The following TES variants were observed in gnomAD, a reference collection of about 807,000 sequenced individuals.
TES encodes testin.
TES carries 41 observed loss-of-function variants against 48.2 expected under a neutral mutation model. That is an observed-to-expected ratio of 0.85 (90% CI 0.66 to 1.10). The LOEUF (loss-of-function observed/expected upper bound fraction) is 1.10, where lower values mean the gene tolerates loss of function less well. Among genes scored for constraint, TES ranks in the 50% least tolerant of loss-of-function variants. The probability of loss-of-function intolerance (pLI) is 0.00; values close to 1 mark genes in which losing one functional copy is unlikely to be tolerated. For missense variants in TES, 463 were observed against 515.1 expected, an observed-to-expected ratio of 0.90 and a Z score of 0.98; for synonymous variants, 162 against 174.9, an observed-to-expected ratio of 0.93 and a Z score of 0.58.
chr7:116,251,554 G>T (rs1226972709), intron 4 of TES: 3 of 522,630 alleles, frequency 5.7e-6, no homozygotes, highest in African/African-American at 3.8e-5. Context: ...GTGGTGGCAG[G>T]CGCCTGTAGT....
At chr7:116,225,533 TA>T (rs1303968193) in intron 1 of TES, among the ~76,000 whole-genome samples, 2 of 152,198 alleles carry the variant, frequency 1.3e-5, no homozygotes, top group Non-Finnish European at 2.9e-5. Context: ...ATTCCTAACA[TA>T]ATAGTCTATG....
At chr7:116,234,686 G>A in intron 2 of TES, 67 bp downstream of exon 2, 2 of 1,332,006 alleles carry the variant, frequency 1.5e-6, no homozygotes, top group South Asian at 2.4e-5. Context: ...TCAGACAGTG[G>A]AGATATCTTC....
chr7:116,218,706 T>A (rs934081053), intron 1 of TES, among the ~76,000 whole-genome samples: 4 of 151,962 alleles, frequency 2.6e-5, no homozygotes, highest in Non-Finnish European at 4.4e-5. Context: ...GATTTTTTTT[T>A]AAAAAAGGAA....
intron 2 of TES, 44 bp downstream of exon 2, chr7:116,234,663 T>C: frequency 6.7e-7 from 1 of 1,500,280 alleles, no homozygotes; most frequent in Non-Finnish European, 9.3e-7. Flanking sequence ...TTTATACTTT[T>C]TGCAATACTT....
intron 2 of TES, among the ~76,000 whole-genome samples, chr7:116,245,576 C>T (rs966276733): frequency 6.6e-6 from 1 of 152,130 alleles, no homozygotes; most frequent in Non-Finnish European, 1.5e-5. Flanking sequence ...CTAGGAATTT[C>T]CAAACTTTCT....
chr7:116,220,513 T>C (rs1221370038), intron 1 of TES, among the ~76,000 whole-genome samples: 3 of 152,180 alleles, frequency 2.0e-5, no homozygotes, highest in Admixed American at 6.5e-5. Context: ...AGAGATCTAA[T>C]CTGCAAAACA....
At chr7:116,236,504 CAT>C (rs1799773593) in intron 2 of TES, among the ~76,000 whole-genome samples, 1 of 152,118 alleles carries the variant, frequency 6.6e-6, no homozygotes, top group African/African-American at 2.4e-5. Context: ...CAAGATATCT[CAT>C]TGTTTATGCA....
At chr7:116,246,517 C>T (rs1799925014) in intron 2 of TES, among the ~76,000 whole-genome samples, 1 of 152,154 alleles carries the variant, frequency 6.6e-6, no homozygotes, top group African/African-American at 2.4e-5. Flanking sequence ...TTCTATGAGC[C>T]CCTGCATGAC....
At chr7:116,214,260 A>G (rs1799469688) in intron 1 of TES, among the ~76,000 whole-genome samples, 1 of 152,198 alleles carries the variant, frequency 6.6e-6, no homozygotes, top group African/African-American at 2.4e-5. Context: ...CATTAGCCAA[A>G]AAAGCATAGT....
At chr7:116,221,021 A>G (rs1799550073) in intron 1 of TES, among the ~76,000 whole-genome samples, 1 of 152,160 alleles carries the variant, frequency 6.6e-6, no homozygotes, top group Admixed American at 6.5e-5. Flanking sequence ...CAAGAATTTT[A>G]TGATGGCATG....
At position 116,210,616 on chromosome 7, in the gene TES, G is replaced by A; in HGVS notation, c.-92G>A. 1 of 1,246,166 alleles carries A rather than the reference G, an allele frequency of 8.0e-7. No individual in the cohort carries two copies. Among genetic ancestry groups the A allele is most frequent in the South Asian group, 2.8e-5 (1 of 35,700 alleles). 77.2% of individuals were successfully genotyped at this position (1,246,166 alleles called of 1,614,324 possible). A position where few individuals can be genotyped will look rare whatever the true frequency, so the allele number is the denominator to read the frequency against. On this transcript the variant is annotated 5_prime_UTR_variant, in exon 1 of 7. Transcript: ENST00000358204. ...GAGCGGCGCCGCGGGAGTTCCGCAG[G>A]TTTCCCGTGTTCGCAGCGGAGCCGG...
intron 1 of TES, chr7:116,217,942 T>C (rs1253918392): frequency 4.0e-6 from 2 of 503,182 alleles, no homozygotes; most frequent in Non-Finnish European, 8.0e-6. Flanking sequence ...TATAATTTTC[T>C]AAGTATCACT....
intron 1 of TES, chr7:116,217,817 C>G (rs764912537): frequency 3.9e-5 from 20 of 518,208 alleles, no homozygotes; most frequent in Non-Finnish European, 6.9e-5. Flanking sequence ...CTTTGACTCT[C>G]CTACAAAAGA....
chr7:116,251,617 A>T, intron 4 of TES, 143 bp from the exon 5 acceptor site: 1 of 751,458 alleles, frequency 1.3e-6, no homozygotes, highest in South Asian at 1.7e-5. Context: ...CAGGAGGCGG[A>T]GCTTGCAATG....
At chr7:116,253,000 A>G (rs1308507123) in intron 6 of TES, among the ~76,000 whole-genome samples, 1 of 152,228 alleles carries the variant, frequency 6.6e-6, no homozygotes. Context: ...AAACATTCCA[A>G]TGTGAAAGTA....
chr7:116,245,024 T>A (rs1471283644), intron 2 of TES, among the ~76,000 whole-genome samples: 1 of 152,054 alleles, frequency 6.6e-6, no homozygotes, highest in Admixed American at 6.5e-5. Flanking sequence ...TCCCTGGGCG[T>A]GGTCCACGAC....
At chr7:116,228,285 G>A (rs1485530127) in intron 1 of TES, among the ~76,000 whole-genome samples, 3 of 152,078 alleles carry the variant, frequency 2.0e-5, no homozygotes, top group Non-Finnish European at 4.4e-5. Flanking sequence ...AAATTATGTA[G>A]TCACTTTTAT....
chr7:116,235,739 C>G (rs1217186832), intron 2 of TES, among the ~76,000 whole-genome samples: 1 of 152,134 alleles, frequency 6.6e-6, no homozygotes, highest in Admixed American at 6.6e-5. Flanking sequence ...TAGGATGACT[C>G]TCATTTGAGA....
intron 1 of TES, among the ~76,000 whole-genome samples, chr7:116,212,367 C>T (rs1167805048): frequency 2.6e-5 from 4 of 152,134 alleles, no homozygotes; most frequent in African/African-American, 9.7e-5. Context: ...GAATGTAGAA[C>T]ACCAAGAGTA....
Sources: allele counts gnomAD v4.1 joint callset (sites outside exome capture counted in the v4.1 genomes callset), GRCh38; gene constraint gnomAD v4.1.1; transcripts MANE v1.5; gene names NCBI Gene and HGNC (gene_info 2026-07-23, HGNC 2026-07-21).